SNX29: variants seen among roughly 807,000 people sequenced by gnomAD.
SNX29 encodes sorting nexin-29.
SNX29 carries 78 observed loss-of-function variants against 102.1 expected under a neutral mutation model. The ratio of observed to expected loss-of-function variants is 0.76; its 90% CI spans 0.64 to 0.92. SNX29 has a LOEUF of 0.92. SNX29 is among the 40% of genes least tolerant of loss of function. SNX29 has a pLI of 0.00. For missense variants in SNX29, 1,280 were observed against 1,061.7 expected (o/e 1.21, Z -2.86); for synonymous variants, 580 against 414.5 (o/e 1.40, Z -4.85).
intron 13 of SNX29, among the ~76,000 whole-genome samples, chr16:12,192,062 T>C (rs1164846633): frequency 6.6e-6 from 1 of 152,196 alleles, no homozygotes; most frequent in Non-Finnish European, 1.5e-5. Context: ...CCAGGTTCGT[T>C]AGTTTTGTTG....
At chr16:12,537,519 G>A (rs2077129883) in intron 20 of SNX29, among the ~76,000 whole-genome samples, 1 of 152,166 alleles carries the variant, frequency 6.6e-6, no homozygotes, top group South Asian at 2.1e-4. Flanking sequence ...TTGTTGGGAG[G>A]ATTAAAGGAA....
At chr16:12,426,208 TATTC>T (rs1172379275) in intron 18 of SNX29, among the ~76,000 whole-genome samples, 2 of 152,212 alleles carry the variant, frequency 1.3e-5, no homozygotes, top group Admixed American at 1.3e-4. Flanking sequence ...GTAAGTTTAT[TATTC>T]ATCTGTTTCC....
intron 1 of SNX29, 72 bp downstream of exon 1, chr16:11,976,885 G>A (rs2055311973): frequency 2.3e-6 from 3 of 1,290,718 alleles, no homozygotes; most frequent in South Asian, 4.5e-5. Flanking sequence ...GCACACTCCG[G>A]CCCCTGCGTC....
At chr16:12,341,958 C>T (rs969992218) in intron 15 of SNX29, among the ~76,000 whole-genome samples, 3 of 152,258 alleles carry the variant, frequency 2.0e-5, no homozygotes, top group Admixed American at 6.5e-5. Flanking sequence ...CACAGTGCTT[C>T]GTGCCAGGAA....
rs186354905 is a variant in SNX29 at position 12,568,758 on chromosome 16, C to G, written c.*129C>G. On this transcript the variant is annotated 3_prime_UTR_variant, in exon 21 of 21. Transcript: ENST00000566228. ...GGTGATCCTGAGAGCACACGATTCC[C>G]AACAGTTACACAACACCCCGATTAA... 7.4e-6 allele frequency: 10 copies of G among 1,355,178 alleles called. No homozygotes were observed. The African/African-American group carries it at 1.2e-4, about 16-fold the overall frequency. 83.9% of individuals were successfully genotyped at this position (1,355,178 alleles called of 1,614,324 possible).
At chr16:12,317,841 C>T (rs2080800497) in intron 15 of SNX29, among the ~76,000 whole-genome samples, 1 of 152,238 alleles carries the variant, frequency 6.6e-6, no homozygotes, top group Admixed American at 6.5e-5. Flanking sequence ...TAATGACTCC[C>T]CGTGCCGGGG....
chr16:12,318,200 G>C (rs1286056548), intron 15 of SNX29, among the ~76,000 whole-genome samples: 1 of 152,218 alleles, frequency 6.6e-6, no homozygotes, highest in East Asian at 1.9e-4. Flanking sequence ...CTTGCTCCGA[G>C]CTCATGCACA....
Position 12,468,201 on chromosome 16 carries a change from GA to G in SNX29, c.2038-9517del, listed in dbSNP as rs376159024. Among the ~76,000 whole-genome samples, 329 of 66,950 alleles carry G rather than the reference GA, an allele frequency of 4.9e-3. 22 individuals are homozygous for G. The highest frequency in any genetic ancestry group is 0.033 in the African/African-American group (307 of 9,364). The allele number at this position is 66,950 out of a possible 152,430, so 43.9% of individuals were successfully genotyped here. ...TTTTTTTTTTTTTTTTTTTTAGGGGGAGTTTTACTGTTTCCCAGGCTGGAGT... is the reference window on the plus strand; with the variant it reads ...TTTTTTTTTTTTTTTTTTTTAGGGGGGTTTTACTGTTTCCCAGGCTGGAGT... On this transcript the variant is annotated intron_variant, in intron 18 of 20. Coordinates refer to ENST00000566228, the MANE Select transcript of SNX29 (RefSeq NM_032167.5).
chr16:12,486,822 G>A (rs1252523604), intron 19 of SNX29, among the ~76,000 whole-genome samples: 1 of 152,224 alleles, frequency 6.6e-6, no homozygotes, highest in African/African-American at 2.4e-5. Context: ...CATTTTTAGA[G>A]TTGGGAGTGC....
rs1335427880 is a variant in SNX29, at chr16:12,002,937, G to A, written c.70-54G>A. The A allele has an allele frequency of 1.5e-5, 24 of 1,610,474 alleles. No homozygotes were observed. The Admixed American group carries it at 2.8e-4, about 19-fold the overall frequency. On this transcript the variant is annotated intron_variant, in intron 2 of 20. Coordinates refer to ENST00000566228, the MANE Select transcript of SNX29 (RefSeq NM_032167.5). ...AGCCCTGTGTAGGCTGTTTTATGAC[G>A]TTTTGAGTGTCCCATCCCAACAGCT...
At chr16:12,095,196 G>T (rs1471490873) in intron 11 of SNX29, 1 of 152,166 alleles carries the variant, frequency 6.6e-6, no homozygotes, top group Non-Finnish European at 1.5e-5. Flanking sequence ...GTTGATATTT[G>T]TTGGTGTTTA....
chr16:12,502,451 G>A (rs1323443323), intron 19 of SNX29, among the ~76,000 whole-genome samples: 1 of 152,108 alleles, frequency 6.6e-6, no homozygotes, highest in Non-Finnish European at 1.5e-5. Flanking sequence ...TGGTTGCTAG[G>A]CTGAGGTAAC....
chr16:12,403,462 T>C lies in SNX29; in HGVS notation c.1970T>C (p.Leu657Pro), dbSNP rs2084042476. The C allele has an allele frequency of 6.2e-7, 1 of 1,608,494 alleles. No homozygotes were observed. The highest frequency in any genetic ancestry group is 8.5e-7 in the Non-Finnish European group (1 of 1,177,372). Residue 657 changes from leucine to proline, a missense_variant, in exon 18 of 21, where the codon CTG becomes CCG. Leu to Pro is a moderately conservative substitution (Grantham distance 98, BLOSUM62 -3). Coordinates refer to ENST00000566228, the MANE Select transcript of SNX29 (RefSeq NM_032167.5). ...LSDFEISNRA[L>P]INVWIPSVFL... ...CTTTTGGTTAGATCAAACCGGGCGCTGATCAACGTCTGGATCCCCTCAGTG... is the reference window on the plus strand; with the variant it reads ...CTTTTGGTTAGATCAAACCGGGCGCCGATCAACGTCTGGATCCCCTCAGTG...
At chr16:12,298,240 A>G (rs932676926) in intron 15 of SNX29, among the ~76,000 whole-genome samples, 2 of 152,216 alleles carry the variant, frequency 1.3e-5, no homozygotes, top group African/African-American at 4.8e-5. Context: ...TTCAATGCTC[A>G]GTGAATAACT....
At chr16:12,107,110 A>G (rs2053285874) in intron 11 of SNX29, among the ~76,000 whole-genome samples, 6 of 152,176 alleles carry the variant, frequency 3.9e-5, no homozygotes, top group Admixed American at 3.9e-4. Context: ...GGGCCACGGC[A>G]CATGGCCCTG....
At chr16:12,362,184 G>C (rs1472933173) in intron 16 of SNX29, among the ~76,000 whole-genome samples, 2 of 152,194 alleles carry the variant, frequency 1.3e-5, no homozygotes, top group Non-Finnish European at 2.9e-5. Flanking sequence ...ATTTCCCCAG[G>C]TCCCTGTTGG....
At chr16:12,528,332 G>T (rs2076841898) in intron 20 of SNX29, among the ~76,000 whole-genome samples, 1 of 152,084 alleles carries the variant, frequency 6.6e-6, no homozygotes, top group African/African-American at 2.4e-5. Context: ...GAGTAGCTGG[G>T]ATTACAGGCA....
intron 13 of SNX29, among the ~76,000 whole-genome samples, chr16:12,154,841 T>C (rs2055469738): frequency 6.6e-6 from 1 of 152,166 alleles, no homozygotes; most frequent in Non-Finnish European, 1.5e-5. Context: ...GGGCCTCTCT[T>C]ACAAAGGCAC....
intron 18 of SNX29, 119 bp downstream of exon 18, chr16:12,403,648 C>G (rs1176001815): frequency 2.1e-6 from 2 of 934,408 alleles, no homozygotes; most frequent in Non-Finnish European, 3.3e-6. Flanking sequence ...TATGGCCTTC[C>G]AGACACCCAC....
Sources: allele counts gnomAD v4.1 joint callset (sites outside exome capture counted in the v4.1 genomes callset), GRCh38; gene constraint gnomAD v4.1.1; transcripts MANE v1.5; gene names NCBI Gene and HGNC (gene_info 2026-07-23, HGNC 2026-07-21).